The following RBP3 variants were observed in gnomAD, a reference collection of about 807,000 sequenced individuals.
RBP3 encodes the protein retinol-binding protein 3.
A neutral mutation model predicts 64.8 loss-of-function variants in RBP3; 50 were observed. That is an observed-to-expected ratio of 0.77 (90% CI 0.61 to 0.98). RBP3 has a LOEUF of 0.98. Among genes scored for constraint, RBP3 ranks in the 50% least tolerant of loss-of-function variants. The probability of loss-of-function intolerance (pLI) is 0.00; values close to 1 mark genes in which losing one functional copy is unlikely to be tolerated. For missense variants in RBP3, 1,712 were observed against 1,660.5 expected (o/e 1.03, Z -0.54); for synonymous variants, 828 against 730.2 (o/e 1.13, Z -2.16).
chr10:47,350,117 A>G lies in RBP3; in HGVS notation c.1633A>G (p.Thr545Ala). The G allele has an allele frequency of 6.2e-7, 1 of 1,612,910 alleles. No homozygotes were observed. The highest frequency in any genetic ancestry group is 8.5e-7 in the Non-Finnish European group (1 of 1,179,978). The part of the protein sequence containing the change: ...RGVYLLTSHR[T>A]ATAAEEFAFL... The stretch of plus-strand genomic sequence containing the variant: ...GGTGTATCTGCTCACCAGCCACCGC[A>G]CCGCCACGGCCGCGGAGGAGTTCGC... Residue 545 changes from threonine to alanine, a missense_variant, in exon 1 of 4, where the codon ACC (threonine) becomes GCC (alanine). Transcript: ENST00000584701.
intron 2 of RBP3, among the ~76,000 whole-genome samples, chr10:47,354,818 C>T (rs1468728892): frequency 2.0e-5 from 3 of 152,132 alleles, no homozygotes; most frequent in East Asian, 1.9e-4. Context: ...AGGGGCCCAA[C>T]GAGGTCACAC....
Position 47,348,741 on chromosome 10 carries a change from G to A in RBP3, c.257G>A (p.Arg86His), listed in dbSNP as rs148230448. Reference sequence around the variant, plus strand: ...GTGCAGAGCTCCCTGAACGATCCTCGCCTGGTCATCTCCTATGAGCCCAGC... The same window carrying A: ...GTGCAGAGCTCCCTGAACGATCCTCACCTGGTCATCTCCTATGAGCCCAGC... ...AGVQSSLNDPRLVISYEPSTP... is the reference protein window; with the variant it reads ...AGVQSSLNDPHLVISYEPSTP... The change falls in exon 1 of 4, where the codon CGC (arginine) becomes CAC (histidine). Residue 86 changes from arginine to histidine, a missense_variant. Physicochemically the swap from Arg to His is conservative, Grantham distance 29. Transcript: ENST00000584701. The A allele has an allele frequency of 1.9e-5, 30 of 1,613,420 alleles. No individual in the cohort carries two copies. The highest frequency in any genetic ancestry group is 2.7e-5 in the African/African-American group (2 of 74,888).
intron 1 of RBP3, among the ~76,000 whole-genome samples, 172 bp from the exon 2 acceptor site, chr10:47,353,153 A>G (rs1268845449): frequency 6.6e-6 from 1 of 152,102 alleles, no homozygotes; most frequent in Non-Finnish European, 1.5e-5. Flanking sequence ...CACATGTCCC[A>G]GTGGCATGTC....
Position 47,349,468 on chromosome 10 carries a change from G to A in RBP3, c.984G>A (p.Gly328=), listed in dbSNP as rs145181839. The change falls in exon 1 of 4, where the codon GGG becomes GGA. Residue 328 remains glycine (G), a synonymous_variant. Coordinates refer to ENST00000584701, the MANE Select transcript of RBP3 (RefSeq NM_002900.3). ...TCACTCTGCGCAGCGCCCTTCCAGG[G>A]GTAGTCCACTGCCTCCAGGAGGTCC... ...AILTLRSALP[G]VVHCLQEVLK... The A allele has an allele frequency of 3.0e-5, 49 of 1,612,768 alleles. No homozygotes were observed. In the African/African-American group the frequency reaches 6.0e-4, roughly 20 times the overall value.
chr10:47,350,735 A>G lies in RBP3; in HGVS notation c.2251A>G (p.Met751Val), dbSNP rs782462707. The change falls in exon 1 of 4, where the codon ATG (methionine) becomes GTG (valine). Residue 751 changes from methionine (M) to valine (V), a missense_variant. Met to Val is a conservative substitution (Grantham distance 21). Transcript: ENST00000584701. ...GQLGYLRFDA[M>V]AELETVKAVG... Reference sequence around the variant, plus strand: ...GCTGGGCTACCTGCGTTTTGACGCCATGGCTGAACTGGAGACAGTGAAGGC... The same window carrying G: ...GCTGGGCTACCTGCGTTTTGACGCCGTGGCTGAACTGGAGACAGTGAAGGC... 1.9e-6 allele frequency: 3 copies of G among 1,613,066 alleles called. No individual in the cohort carries two copies. The highest frequency in any genetic ancestry group is 1.1e-5 in the South Asian group (1 of 91,084).
At chr10:47,355,258 A>C in intron 2 of RBP3, 118 bp from the exon 3 acceptor site, 1 of 1,275,640 alleles carries the variant, frequency 7.8e-7, no homozygotes, top group Non-Finnish European at 1.1e-6. Context: ...GAGGCACTAG[A>C]CTGAGGCTGC....
chr10:47,356,933 G>A (rs1453261133), intron 3 of RBP3, among the ~76,000 whole-genome samples, 169 bp from the exon 4 acceptor site: 1 of 152,140 alleles, frequency 6.6e-6, no homozygotes, highest in African/African-American at 2.4e-5. Flanking sequence ...CCATTTTACG[G>A]ATGCAGAAAT....
chr10:47,350,793 A>C lies in RBP3; in HGVS notation c.2309A>C (p.Gln770Pro). 1 of 1,613,020 alleles carries C rather than the reference A, an allele frequency of 6.2e-7. No individual in the cohort carries two copies. The highest frequency in any genetic ancestry group is 8.5e-7 in the Non-Finnish European group (1 of 1,180,010). Residue 770 changes from glutamine to proline, a missense_variant, in exon 1 of 4, where the codon CAA becomes CCA. Coordinates refer to ENST00000584701, the MANE Select transcript of RBP3 (RefSeq NM_002900.3). Reference protein sequence around the residue: ...VGPQLVRLVWQQLVDTAALVI... With the variant: ...VGPQLVRLVWPQLVDTAALVI... ...CCACAGCTGGTGCGGCTGGTATGGCAACAGCTGGTGGACACGGCTGCGCTG... is the reference window on the plus strand; with the variant it reads ...CCACAGCTGGTGCGGCTGGTATGGCCACAGCTGGTGGACACGGCTGCGCTG...
Position 47,357,210 on chromosome 10 carries a change from T to C in RBP3, c.3497T>C (p.Val1166Ala), listed in dbSNP as rs782059910. 2 of 1,613,902 alleles carry C rather than the reference T, an allele frequency of 1.2e-6. No individual in the cohort carries two copies. Among genetic ancestry groups the C allele is most frequent in the Admixed American group, 1.7e-5 (1 of 60,022 alleles). Reference sequence around the variant, plus strand: ...ATGAAGAGGCTGGGCCGGGCCCTGGTCATTGGGGAGGTGACCAGTGGGGGC... The same window carrying C: ...ATGAAGAGGCTGGGCCGGGCCCTGGCCATTGGGGAGGTGACCAGTGGGGGC... ...YIMKRLGRAL[V>A]IGEVTSGGCQ... The change falls in exon 4 of 4, where the codon GTC (valine) becomes GCC (alanine). Residue 1166 changes from valine (V) to alanine (A), a missense_variant. Val to Ala is a moderately conservative substitution (Grantham distance 64). Transcript: ENST00000584701.
Position 47,357,170 on chromosome 10 carries a change from G to T in RBP3, c.3457G>T (p.Glu1153Ter). 6.2e-7 allele frequency: 1 copy of T among 1,613,832 alleles called. No homozygotes were observed. The highest frequency in any genetic ancestry group is 1.1e-5 in the South Asian group (1 of 91,074). The change falls in exon 4 of 4, where the codon GAG becomes TAG. Residue 1153 changes from glutamate (E) to a stop codon, truncating the protein, a stop_gained. Coordinates refer to ENST00000584701, the MANE Select transcript of RBP3 (RefSeq NM_002900.3). LOFTEE classifies it high-confidence loss of function. The part of the protein sequence containing the change: ...TSSVTAGTAE[E>*]FTYIMKRLGR... ...CAGTGTGACGGCCGGCACCGCGGAGGAGTTCACCTATATCATGAAGAGGCT... is the reference window on the plus strand; with the variant it reads ...CAGTGTGACGGCCGGCACCGCGGAGTAGTTCACCTATATCATGAAGAGGCT...
chr10:47,355,399 C>T lies in RBP3; in HGVS notation c.3269C>T (p.Ser1090Phe). The change falls in exon 3 of 4, where the codon TCC becomes TTC. Residue 1090 changes from serine (S) to phenylalanine (F), a missense_variant. Ser to Phe is a radical substitution (Grantham distance 155). Transcript: ENST00000584701. ...DMRFNIGGPTSSIPILCSYFF... is the reference protein window; with the variant it reads ...DMRFNIGGPTFSIPILCSYFF... The stretch of plus-strand genomic sequence containing the variant: ...AGGTTCAACATCGGTGGCCCCACAT[C>T]CTCCATTCCCATCTTGTGCTCCTAC... 1.2e-6 allele frequency: 2 copies of T among 1,614,112 alleles called. No individual in the cohort carries two copies. The highest frequency in any genetic ancestry group is 1.7e-6 in the Non-Finnish European group (2 of 1,180,054).
Position 47,351,130 on chromosome 10 carries a change from C to G in RBP3, c.2646C>G (p.Tyr882Ter). 1.2e-6 allele frequency: 2 copies of G among 1,612,990 alleles called. No individual in the cohort carries two copies. The highest frequency in any genetic ancestry group is 1.7e-6 in the Non-Finnish European group (2 of 1,180,022). ...GAGGCGCACTCTCTGTGGGCATCTA[C>G]CAGGTGGGCAGCAGCCCCTTATATG... ...TAGGALSVGI[Y>*]QVGSSPLYAS... Residue 882 changes from tyrosine to a stop codon, truncating the protein, a stop_gained, in exon 1 of 4, where the codon TAC (tyrosine) becomes TAG (stop). Coordinates refer to ENST00000584701, the MANE Select transcript of RBP3 (RefSeq NM_002900.3). LOFTEE classifies it high-confidence loss of function.
chr10:47,348,514 C>A lies in RBP3; in HGVS notation c.30C>A (p.Ser10=). The change falls in exon 1 of 4, where the codon TCC becomes TCA. Residue 10 remains serine (S), a synonymous_variant. Transcript: ENST00000584701. The part of the protein sequence containing the change: MMREWVLLM[S]VLLCGLAGPT... The stretch of plus-strand genomic sequence containing the variant: ...TGAGAGAATGGGTTCTGCTCATGTC[C>A]GTGCTGCTCTGTGGCCTGGCTGGCC... 1 of 1,607,772 alleles carries A rather than the reference C, an allele frequency of 6.2e-7. No individual in the cohort carries two copies. The highest frequency in any genetic ancestry group is 8.5e-7 in the Non-Finnish European group (1 of 1,179,988).
rs2132254318 is a variant in RBP3 at position 47,350,315 on chromosome 10, G to C, written c.1831G>C (p.Val611Leu). 1.9e-6 allele frequency: 3 copies of C among 1,610,762 alleles called. No individual in the cohort carries two copies. The highest frequency in any genetic ancestry group is 2.5e-6 in the Non-Finnish European group (3 of 1,179,938). ...NHGEAWLGGG[V>L]VPDAIVLAEE... ...CGGCGAGGCCTGGCTGGGTGGTGGA[G>C]TGGTGCCCGATGCCATCGTGCTGGC... is the stretch of plus-strand genomic sequence containing the variant. The change falls in exon 1 of 4, where the codon GTG becomes CTG. Residue 611 changes from valine to leucine, a missense_variant. Transcript: ENST00000584701.
rs1445759209 is a variant in RBP3, at chr10:47,357,004, G to A, written c.3389-98G>A. The A allele has an allele frequency of 2.2e-5, 24 of 1,114,286 alleles. No homozygotes were observed. In the East Asian group the frequency reaches 3.6e-4, roughly 17 times the overall value. 69.0% of individuals were successfully genotyped at this position (1,114,286 alleles called of 1,614,324 possible). A position where few individuals can be genotyped will look rare whatever the true frequency, so the allele number is the denominator to read the frequency against. ...CACAAGGACACAGACCTAAACCCCCGGGCCTCCTCCATCACTGCAGGCCCA... is the reference window on the plus strand; with the variant it reads ...CACAAGGACACAGACCTAAACCCCCAGGCCTCCTCCATCACTGCAGGCCCA... On this transcript the variant is annotated intron_variant, in intron 3 of 3. Transcript: ENST00000584701.
chr10:47,349,990 C>T lies in RBP3; in HGVS notation c.1506C>T (p.Gly502=). The change falls in exon 1 of 4, where the codon GGC becomes GGT. Residue 502 remains glycine, a synonymous_variant. Coordinates refer to ENST00000584701, the MANE Select transcript of RBP3 (RefSeq NM_002900.3). The part of the protein sequence containing the change: ...LLSYFQGPEA[G]PVHLFTTYDR... ...CCTACTTCCAGGGCCCTGAGGCCGG[C>T]CCCGTGCACCTCTTCACCACCTATG... The T allele has an allele frequency of 6.2e-7, 1 of 1,612,914 alleles. No homozygotes were observed. Among genetic ancestry groups the T allele is most frequent in the African/African-American group, 1.3e-5 (1 of 75,038 alleles).
chr10:47,349,837 C>A lies in RBP3; in HGVS notation c.1353C>A (p.Ser451=), dbSNP rs782749626. 2 of 1,613,174 alleles carry A rather than the reference C, an allele frequency of 1.2e-6. No homozygotes were observed. The highest frequency in any genetic ancestry group is 1.7e-6 in the Non-Finnish European group (2 of 1,180,006). Residue 451 remains serine (S), a synonymous_variant, in exon 1 of 4, where the codon TCC becomes TCA. Coordinates refer to ENST00000584701, the MANE Select transcript of RBP3 (RefSeq NM_002900.3). ...GCTTCGATAGTTTTGCTGACGCCTC[C>A]GTCCTGGGTGTGTTGGCCCCATATG... ...YLRFDSFADA[S]VLGVLAPYVL...
In RBP3 at chr10:47,348,692, C is replaced by A. The variant is rs1555210872; in HGVS notation, c.208C>A (p.Leu70Met). The A allele has an allele frequency of 6.2e-7, 1 of 1,613,614 alleles. No individual in the cohort carries two copies. The highest frequency in any genetic ancestry group is 8.5e-7 in the Non-Finnish European group (1 of 1,180,034). ...TCTGAGCATCTCAGACCCGCAGACG[C>A]TGGCCAGTGTGCTGACAGCCGGGGT... ...EILSISDPQT[L>M]ASVLTAGVQS... The change falls in exon 1 of 4, where the codon CTG becomes ATG. Residue 70 changes from leucine (L) to methionine (M), a missense_variant. Leu to Met is a conservative substitution (Grantham distance 15). Coordinates refer to ENST00000584701, the MANE Select transcript of RBP3 (RefSeq NM_002900.3).
chr10:47,351,646 G>A, intron 1 of RBP3, 108 bp downstream of exon 1: 1 of 1,380,120 alleles, frequency 7.2e-7, no homozygotes, highest in South Asian at 1.2e-5. Flanking sequence ...TTTTAGATTT[G>A]TTCTCACGTT....
Sources: gnomAD v4.1 joint callset for allele counts (sites outside exome capture counted in the v4.1 genomes callset) on GRCh38, gnomAD v4.1.1 for gene constraint, MANE v1.5 for transcripts, NCBI Gene and HGNC (gene_info 2026-07-23, HGNC 2026-07-21) for gene names.